The following CTNNA3 variants were observed in gnomAD, a reference collection of about 807,000 sequenced individuals.
CTNNA3 encodes the protein catenin alpha-3.
In CTNNA3, 76 loss-of-function variants were observed where a neutral mutation model predicts 95.7. The observed-to-expected ratio is 0.79, with a 90% confidence interval of 0.66 to 0.96. The LOEUF (loss-of-function observed/expected upper bound fraction) is 0.96. Ranked by LOEUF, CTNNA3 falls within the 40% of genes least tolerant of loss-of-function variation. The probability of loss-of-function intolerance (pLI) is 0.00; values close to 1 mark genes in which losing one functional copy is unlikely to be tolerated. For synonymous variants in CTNNA3, 431 were observed against 374.4 expected (o/e 1.15, Z -1.74); for missense variants, 1,191 against 1,089.8 (o/e 1.09, Z -1.31).
intron 10 of CTNNA3, among the ~76,000 whole-genome samples, chr10:66,599,278 A>T (rs893331532): frequency 1.3e-5 from 2 of 152,030 alleles, no homozygotes; most frequent in South Asian, 4.1e-4. Flanking sequence ...CCACTCAGAG[A>T]GGCAAAGACT....
intron 7 of CTNNA3, among the ~76,000 whole-genome samples, chr10:67,021,599 G>A (rs769169981): frequency 2.5e-4 from 38 of 151,982 alleles, no homozygotes; most frequent in Admixed American, 2.5e-3. Context: ...GTAGTGATAT[G>A]AGAAACATGT....
intron 12 of CTNNA3, among the ~76,000 whole-genome samples, chr10:66,282,961 C>T (rs996801306): frequency 6.6e-6 from 1 of 151,806 alleles, no homozygotes; most frequent in African/African-American, 2.4e-5. Context: ...TGAAACATGT[C>T]CAGCTTGCAT....
rs570221354 is a variant in CTNNA3 at position 66,293,779 on chromosome 10, C to G, written c.1733-13158G>C. On this transcript the variant is annotated intron_variant, in intron 12 of 17. Coordinates refer to ENST00000433211, the MANE Select transcript of CTNNA3 (RefSeq NM_013266.4). ...CTCCAGGGTTCAAACAATTCTCCTG[C>G]GTCAGCCTCCCGAGTAGCTGGGATT... 1.7e-3 allele frequency among the ~76,000 whole-genome samples: 252 copies of G among 151,508 alleles called. 2 individuals are homozygous for G. Among genetic ancestry groups the G allele is most frequent in the African/African-American group, 6.0e-3 (246 of 41,204 alleles).
At chr10:67,179,319 C>T (rs1306994405) in intron 7 of CTNNA3, among the ~76,000 whole-genome samples, 1 of 151,436 alleles carries the variant, frequency 6.6e-6, no homozygotes, top group Non-Finnish European at 1.5e-5. Flanking sequence ...AGATTTTTCT[C>T]TTCACTTTAT....
At chr10:66,382,132 C>T (rs776085659) in intron 11 of CTNNA3, among the ~76,000 whole-genome samples, 1 of 152,064 alleles carries the variant, frequency 6.6e-6, no homozygotes, top group Non-Finnish European at 1.5e-5. Flanking sequence ...CAGGGTGTTG[C>T]CTCACCCGGG....
intron 13 of CTNNA3, among the ~76,000 whole-genome samples, chr10:66,160,585 C>T (rs1054185183): frequency 6.6e-6 from 1 of 151,934 alleles, no homozygotes; most frequent in African/African-American, 2.4e-5. Flanking sequence ...TATTGAGGCT[C>T]ATTTTATGGC....
intron 6 of CTNNA3, among the ~76,000 whole-genome samples, chr10:67,216,622 AATG>A (rs942579209): frequency 1.7e-4 from 26 of 152,328 alleles, no homozygotes; most frequent in African/African-American, 6.3e-4. Flanking sequence ...TGACTGTATG[AATG>A]ATGATACATG....
chr10:66,628,141 C>A (rs1845003287), intron 9 of CTNNA3, among the ~76,000 whole-genome samples: 1 of 151,928 alleles, frequency 6.6e-6, no homozygotes, highest in Non-Finnish European at 1.5e-5. Context: ...AAGTTAAATA[C>A]CCCGAAAATA....
At chr10:66,176,826 G>T (rs755948399) in intron 13 of CTNNA3, among the ~76,000 whole-genome samples, 1 of 151,902 alleles carries the variant, frequency 6.6e-6, no homozygotes, top group Admixed American at 6.6e-5. Context: ...TAAGCTACAC[G>T]GTTTATGGCA....
At chr10:67,323,866 A>T (rs1303475235) in intron 5 of CTNNA3, among the ~76,000 whole-genome samples, 2 of 152,028 alleles carry the variant, frequency 1.3e-5, no homozygotes, top group Non-Finnish European at 2.9e-5. Context: ...TTGTTTGTGT[A>T]ATCTCTGATT....
intron 7 of CTNNA3, among the ~76,000 whole-genome samples, chr10:66,973,705 C>T (rs1469013410): frequency 6.6e-6 from 1 of 152,112 alleles, no homozygotes; most frequent in Non-Finnish European, 1.5e-5. Flanking sequence ...CTCACTGCAA[C>T]CTCCATCTCC....
intron 14 of CTNNA3, among the ~76,000 whole-genome samples, chr10:66,093,880 A>G (rs1347658359): frequency 6.6e-6 from 1 of 152,092 alleles, no homozygotes; most frequent in East Asian, 1.9e-4. Flanking sequence ...GTTCTTTCCT[A>G]TATGACGTGA....
At chr10:66,366,582 C>T (rs2092712484) in intron 12 of CTNNA3, among the ~76,000 whole-genome samples, 1 of 152,124 alleles carries the variant, frequency 6.6e-6, no homozygotes, top group African/African-American at 2.4e-5. Flanking sequence ...AACACATCAT[C>T]TATGAGGGAT....
intron 11 of CTNNA3, among the ~76,000 whole-genome samples, chr10:66,498,734 G>A (rs972526482): frequency 3.3e-5 from 5 of 152,140 alleles, no homozygotes; most frequent in African/African-American, 1.2e-4. Context: ...CAATTACACA[G>A]CTAGAAGAAG....
chr10:66,943,095 C>T (rs1712504496), intron 7 of CTNNA3, among the ~76,000 whole-genome samples: 2 of 152,154 alleles, frequency 1.3e-5, no homozygotes, highest in South Asian at 2.1e-4. Context: ...AAATTTACTT[C>T]ACAAAGCATT....
intron 7 of CTNNA3, among the ~76,000 whole-genome samples, chr10:66,940,976 G>T (rs979332156): frequency 2.6e-5 from 4 of 152,090 alleles, no homozygotes; most frequent in Non-Finnish European, 5.9e-5. Context: ...GTTTGCTGAA[G>T]AATCATTTTA....
intron 15 of CTNNA3, among the ~76,000 whole-genome samples, chr10:65,996,234 CAG>C (rs922752392): frequency 3.9e-5 from 6 of 152,162 alleles, no homozygotes; most frequent in African/African-American, 1.4e-4. Context: ...GCTGAGGAGG[CAG>C]AGTTGCTATC....
chr10:66,867,654 C>T (rs1451170523), intron 7 of CTNNA3, among the ~76,000 whole-genome samples: 1 of 152,044 alleles, frequency 6.6e-6, no homozygotes. Context: ...TAAAAAATAG[C>T]TCTCACGTCT....
At chr10:66,125,463 A>G (rs56050703) in intron 13 of CTNNA3, among the ~76,000 whole-genome samples, 1,671 of 152,264 alleles carry the variant, frequency 0.011, 25 homozygotes, top group African/African-American at 0.038. Context: ...AGAAAAGTAT[A>G]AGTTATATGC....
Sources: allele counts gnomAD v4.1 joint callset (sites outside exome capture counted in the v4.1 genomes callset), GRCh38; gene constraint gnomAD v4.1.1; transcripts MANE v1.5; gene names NCBI Gene and HGNC (gene_info 2026-07-23, HGNC 2026-07-21).